The following ROCK1 variants were observed in gnomAD, a reference collection of about 807,000 sequenced individuals.
The protein encoded by ROCK1 is rho-associated protein kinase 1.
ROCK1 carries 36 observed loss-of-function variants against 196.8 expected under a neutral mutation model. That is an observed-to-expected ratio of 0.18 (90% confidence interval 0.14 to 0.24). ROCK1 has a LOEUF of 0.24. Among genes scored for constraint, ROCK1 ranks in the 10% least tolerant of loss-of-function variants. The pLI is 1.00. For synonymous variants in ROCK1, 443 were observed against 515.9 expected (o/e 0.86, Z 1.91); for missense variants, 920 against 1,562.0 (o/e 0.59, Z 6.93).
intron 2 of ROCK1, among the ~76,000 whole-genome samples, chr18:21,052,261 T>C (rs1448964325): frequency 6.6e-6 from 1 of 152,184 alleles, no homozygotes; most frequent in East Asian, 1.9e-4. Flanking sequence ...TGGTTCTACT[T>C]TTCCTAGTTC....
At chr18:21,101,164 A>G (rs1460172516) in intron 1 of ROCK1, among the ~76,000 whole-genome samples, 1 of 152,242 alleles carries the variant, frequency 6.6e-6, no homozygotes, top group Non-Finnish European at 1.5e-5. Flanking sequence ...TTAATATGTA[A>G]AAGTTCTACT....
At chr18:20,976,358 T>C (rs2035480674) in intron 22 of ROCK1, among the ~76,000 whole-genome samples, 2 of 152,170 alleles carry the variant, frequency 1.3e-5, no homozygotes, top group South Asian at 2.1e-4. Flanking sequence ...GCCTAGAAAA[T>C]TGTCTGGAGG....
rs545712819 is a variant in ROCK1 at position 21,076,525 on chromosome 18, A to G, written c.94-5912T>C. On this transcript the variant is annotated intron_variant, in intron 1 of 32. Coordinates refer to ENST00000399799, the MANE Select transcript of ROCK1 (RefSeq NM_005406.3). ...TCTCAAACAAAAAAGAAACAGTTAA[A>G]TGATAAGTTTTATGATACGTTTGTG... 9.2e-5 allele frequency among the ~76,000 whole-genome samples: 14 copies of G among 152,244 alleles called. No homozygotes were observed. The East Asian group carries it at 2.3e-3, about 25-fold the overall frequency.
intron 10 of ROCK1, among the ~76,000 whole-genome samples, chr18:21,025,543 C>T (rs899820134): frequency 2.0e-5 from 3 of 151,972 alleles, no homozygotes; most frequent in Non-Finnish European, 4.4e-5. Context: ...TGGCCAACAG[C>T]CTGGCCAACA....
intron 9 of ROCK1, among the ~76,000 whole-genome samples, chr18:21,029,692 T>C (rs1290026661): frequency 6.6e-6 from 1 of 152,160 alleles, no homozygotes; most frequent in Non-Finnish European, 1.5e-5. Context: ...AAACCGTATG[T>C]GACAACGTTT....
At chr18:21,032,506 G>GTTT (rs368055407) in intron 9 of ROCK1, among the ~76,000 whole-genome samples, 6 of 129,246 alleles carry the variant, frequency 4.6e-5, no homozygotes, top group African/African-American at 5.8e-5. Flanking sequence ...AAATAGGAAA[G>GTTT]TTTTTTTTTT....
intron 7 of ROCK1, 113 bp from the exon 8 acceptor site, chr18:21,042,348 C>A: frequency 9.5e-7 from 1 of 1,056,554 alleles, no homozygotes; most frequent in South Asian, 1.8e-5. Context: ...ATGTATTAAA[C>A]TAAAAACATA....
intron 1 of ROCK1, among the ~76,000 whole-genome samples, chr18:21,074,407 CCAAT>C (rs2036412570): frequency 6.6e-6 from 1 of 152,148 alleles, no homozygotes; most frequent in East Asian, 1.9e-4. Context: ...ATGGCTCTTC[CCAAT>C]CAGTCTCCAA....
At chr18:21,026,243 G>A (rs1263102993) in intron 10 of ROCK1, among the ~76,000 whole-genome samples, 5 of 151,836 alleles carry the variant, frequency 3.3e-5, no homozygotes, top group African/African-American at 1.2e-4. Context: ...TCGGGAGTTC[G>A]AGACCAGCCT....
chr18:21,036,073 T>C lies in ROCK1; in HGVS notation c.1051+3399A>G, dbSNP rs1047442479. On this transcript the variant is annotated intron_variant, in intron 9 of 32. Coordinates refer to ENST00000399799, the MANE Select transcript of ROCK1 (RefSeq NM_005406.3). The stretch of plus-strand genomic sequence containing the variant: ...GGAATTTTATCTTATGCATACTTTA[T>C]CACAATACAAAGAGATAACTTATTT... Among the ~76,000 whole-genome samples, 72 of 152,204 alleles carry C rather than the reference T, an allele frequency of 4.7e-4. 1 individual carries two copies. The highest frequency in any genetic ancestry group is 3.7e-4 in the Non-Finnish European group (25 of 68,040).
intron 22 of ROCK1, 80 bp from the exon 23 acceptor site, chr18:20,970,593 AT>A: frequency 1.1e-6 from 1 of 909,468 alleles, no homozygotes; most frequent in Non-Finnish European, 1.7e-6. Flanking sequence ...TAAAAACACA[AT>A]TAACTTTAAA....
intron 1 of ROCK1, among the ~76,000 whole-genome samples, chr18:21,090,001 A>AGGG (rs2036556817): frequency 1.3e-5 from 2 of 152,240 alleles, no homozygotes; most frequent in African/African-American, 2.4e-5. Context: ...CTTAAAGATT[A>AGGG]GTGGCATTGT....
rs185190200 is a variant in ROCK1 at position 20,966,625 on chromosome 18, G to A, written c.3352+292C>T. Among the ~76,000 whole-genome samples, 9 of 152,282 alleles carry A rather than the reference G, an allele frequency of 5.9e-5. No homozygotes were observed. In the East Asian group the frequency reaches 1.3e-3, roughly 23 times the overall value. The stretch of plus-strand genomic sequence containing the variant: ...TAGTGAGATGTGTAGTAGCAGCTTT[G>A]ACTCTCACTGTGGACTTAGGCTGCT... On this transcript the variant is annotated intron_variant, in intron 27 of 32. Transcript: ENST00000399799.
rs57930279 is a variant in ROCK1 at position 21,085,615 on chromosome 18, C to A, written c.94-15002G>T. Among the ~76,000 whole-genome samples, 1,200 of 152,164 alleles carry A rather than the reference C, an allele frequency of 7.9e-3. 11 individuals are homozygous for A. Among genetic ancestry groups the A allele is most frequent in the African/African-American group, 0.028 (1,144 of 41,518 alleles). On this transcript the variant is annotated intron_variant, in intron 1 of 32. Transcript: ENST00000399799. ...AGAAGATACATGATTTAACAAGGTTCCAAAAGATGTAAGGGAGAACAGGCT... is the reference window on the plus strand; with the variant it reads ...AGAAGATACATGATTTAACAAGGTTACAAAAGATGTAAGGGAGAACAGGCT...
chr18:21,080,589 T>C (rs1480374947), intron 1 of ROCK1, among the ~76,000 whole-genome samples: 1 of 152,122 alleles, frequency 6.6e-6, no homozygotes, highest in Non-Finnish European at 1.5e-5. Flanking sequence ...GATCCAACTA[T>C]ATGCTGCCCA....
At chr18:21,090,610 G>T (rs1424060967) in intron 1 of ROCK1, among the ~76,000 whole-genome samples, 1 of 152,116 alleles carries the variant, frequency 6.6e-6, no homozygotes, top group Non-Finnish European at 1.5e-5. Flanking sequence ...TTATCCCCCG[G>T]ATAGGTACAG....
chr18:21,110,413 G>GA (rs1033045565), intron 1 of ROCK1, among the ~76,000 whole-genome samples: 8 of 151,662 alleles, frequency 5.3e-5, no homozygotes, highest in African/African-American at 1.7e-4. Context: ...TCGCAAAAAG[G>GA]AAAAAAAATG....
At chr18:21,068,413 T>G (rs573067101) in intron 2 of ROCK1, among the ~76,000 whole-genome samples, 1 of 152,338 alleles carries the variant, frequency 6.6e-6, no homozygotes, top group Non-Finnish European at 1.5e-5. Flanking sequence ...ACCTTAATCC[T>G]CCAACTTGCT....
At chr18:21,082,916 T>C (rs1406087069) in intron 1 of ROCK1, among the ~76,000 whole-genome samples, 2 of 152,150 alleles carry the variant, frequency 1.3e-5, no homozygotes, top group African/African-American at 4.8e-5. Context: ...CATGATCCTA[T>C]AGGTGGAAAA....
Sources: allele counts gnomAD v4.1 joint callset (sites outside exome capture counted in the v4.1 genomes callset), GRCh38; gene constraint gnomAD v4.1.1; transcripts MANE v1.5; gene names NCBI Gene and HGNC (gene_info 2026-07-23, HGNC 2026-07-21).